The following KCTD9 variants were observed in gnomAD, a reference collection of about 807,000 sequenced individuals.
The protein encoded by KCTD9 is potassium channel tetramerization domain containing 9.
In KCTD9, 17 loss-of-function variants were observed where a neutral mutation model predicts 53.3. That is an observed-to-expected ratio of 0.32 (90% CI 0.22 to 0.48). The LOEUF (loss-of-function observed/expected upper bound fraction) is 0.48. Among genes scored for constraint, KCTD9 ranks in the 20% least tolerant of loss-of-function variants. KCTD9 has a pLI of 0.99. For missense variants in KCTD9, 179 were observed against 465.5 expected, an observed-to-expected ratio of 0.38 and a Z score of 5.66; for synonymous variants, 128 against 162.7, an observed-to-expected ratio of 0.79 and a Z score of 1.62.
At chr8:25,453,078 A>T (rs1191367835) in intron 1 of KCTD9, among the ~76,000 whole-genome samples, 2 of 152,214 alleles carry the variant, frequency 1.3e-5, no homozygotes, top group African/African-American at 4.8e-5. Context: ...AATGTAACTT[A>T]GTGGCTAGGC....
At chr8:25,438,191 G>A (rs1802055241) in intron 6 of KCTD9, among the ~76,000 whole-genome samples, 1 of 152,120 alleles carries the variant, frequency 6.6e-6, no homozygotes, top group Non-Finnish European at 1.5e-5. Flanking sequence ...TTCTAGGCAA[G>A]TGGGATACAA....
At position 25,436,400 on chromosome 8, in the gene KCTD9, A is replaced by C; in HGVS notation, c.567+18T>G. ...GCTACAATGAATGTAACACTGGCTAATGTAAAAACAGGCTTACCTTTATTG... is the reference window on the plus strand; with the variant it reads ...GCTACAATGAATGTAACACTGGCTACTGTAAAAACAGGCTTACCTTTATTG... On this transcript the variant is annotated intron_variant, in intron 7 of 11. Transcript: ENST00000221200. 2 of 1,606,118 alleles carry C rather than the reference A, an allele frequency of 1.2e-6. No individual in the cohort carries two copies. The highest frequency in any genetic ancestry group is 1.7e-6 in the Non-Finnish European group (2 of 1,173,912).
chr8:25,449,469 T>A (rs774774478), intron 1 of KCTD9, among the ~76,000 whole-genome samples: 1 of 152,202 alleles, frequency 6.6e-6, no homozygotes, highest in Non-Finnish European at 1.5e-5. Flanking sequence ...TGCTTAATAC[T>A]TAATGTAATA....
rs1010226236 is a variant in KCTD9 at position 25,458,423 on chromosome 8, G to T, written c.-177C>A. ...GCACTCTGTCCCACACCCAAGGTTCGGCCGGTCCTCCTTCCCACCCCGCCC... is the reference window on the plus strand; with the variant it reads ...GCACTCTGTCCCACACCCAAGGTTCTGCCGGTCCTCCTTCCCACCCCGCCC... On this transcript the variant is annotated 5_prime_UTR_variant, in exon 1 of 12. Coordinates refer to ENST00000221200, the MANE Select transcript of KCTD9 (RefSeq NM_017634.4). 8 of 709,740 alleles carry T rather than the reference G, an allele frequency of 1.1e-5. No homozygotes were observed. The highest frequency in any genetic ancestry group is 8.9e-5 in the African/African-American group (5 of 56,316). The allele number at this position is 709,740 out of a possible 1,614,324, so 44.0% of individuals were successfully genotyped here. A position where few individuals can be genotyped will look rare whatever the true frequency, so the allele number is the denominator to read the frequency against.
In KCTD9 at chr8:25,436,435, G is replaced by T; in HGVS notation, c.550C>A (p.Leu184Ile). 1 of 1,604,992 alleles carries T rather than the reference G, an allele frequency of 6.2e-7. No individual in the cohort carries two copies. Among genetic ancestry groups the T allele is most frequent in the Non-Finnish European group, 8.5e-7 (1 of 1,177,880 alleles). ...AGGCTTACCTTTATTGCCACTTCTA[G>T]GTGTTCAATCAATGAGTCAATACCA... ...FFGIDSLIEH[L>I]EVAIKNSQPP... is the part of the protein sequence containing the mutation. Residue 184 changes from leucine (L) to isoleucine (I), a missense_variant, in exon 7 of 12, where the codon CTA becomes ATA. Physicochemically the swap from Leu to Ile is conservative, Grantham distance 5 (BLOSUM62 2). Transcript: ENST00000221200.
At chr8:25,450,136 GC>G in intron 1 of KCTD9, among the ~76,000 whole-genome samples, 1 of 152,270 alleles carries the variant, frequency 6.6e-6, no homozygotes, top group South Asian at 2.1e-4. Flanking sequence ...AACTTTTATT[GC>G]CACTTAAATC....
At chr8:25,444,265 A>G in intron 3 of KCTD9, 27 bp downstream of exon 3, 17 of 1,287,820 alleles carry the variant, frequency 1.3e-5, no homozygotes, top group Non-Finnish European at 1.8e-5. Context: ...TTTTTGGCAG[A>G]TAAAATTGGC....
intron 1 of KCTD9, among the ~76,000 whole-genome samples, chr8:25,457,914 G>A (rs1802496031): frequency 7.3e-6 from 1 of 137,288 alleles, no homozygotes; most frequent in Non-Finnish European, 1.6e-5. Context: ...CCGCGCCCCC[G>A]TCCCCGCGCC....
chr8:25,439,986 T>C (rs1360602790), intron 4 of KCTD9, among the ~76,000 whole-genome samples: 3 of 152,158 alleles, frequency 2.0e-5, no homozygotes, highest in Admixed American at 6.6e-5. Context: ...AAAGCAGTTG[T>C]AGTCTCCACA....
intron 3 of KCTD9, among the ~76,000 whole-genome samples, chr8:25,442,738 A>G (rs1802145932): frequency 6.6e-6 from 1 of 152,232 alleles, no homozygotes. Context: ...ATGTTCCGAC[A>G]ATTCAGAAAC....
At chr8:25,443,286 A>G (rs1462508754) in intron 3 of KCTD9, among the ~76,000 whole-genome samples, 4 of 152,154 alleles carry the variant, frequency 2.6e-5, no homozygotes, top group Non-Finnish European at 5.9e-5. Context: ...CAGGTCTGAG[A>G]CAGGAAAAGG....
intron 2 of KCTD9, among the ~76,000 whole-genome samples, chr8:25,444,735 T>C (rs1437366349): frequency 1.3e-5 from 2 of 152,132 alleles, no homozygotes; most frequent in African/African-American, 4.8e-5. Context: ...TGAAATAAAC[T>C]GTCATATTAA....
intron 1 of KCTD9, among the ~76,000 whole-genome samples, chr8:25,457,017 A>G (rs979844045): frequency 2.0e-5 from 3 of 152,234 alleles, no homozygotes; most frequent in African/African-American, 4.8e-5. Context: ...CTTCGTGAAC[A>G]TATTTTCGGG....
rs751168687 is a variant in KCTD9, at chr8:25,458,193, C to G, written c.48+6G>C. 10 of 1,606,130 alleles carry G rather than the reference C, an allele frequency of 6.2e-6. 1 individual carries two copies. In the South Asian group the frequency reaches 8.8e-5, roughly 14 times the overall value. ...GGCCCGCCGCGCCCCCTCACGCCCC[C>G]GTTACCTTTCCGTTCTTGGGGCTGC... On this transcript the variant is annotated splice_donor_region_variant and intron_variant, in intron 1 of 11. Transcript: ENST00000221200.
intron 8 of KCTD9, among the ~76,000 whole-genome samples, chr8:25,435,784 G>T (rs767884128): frequency 6.6e-6 from 1 of 152,110 alleles, no homozygotes; most frequent in East Asian, 1.9e-4. Flanking sequence ...AGGGATCCCT[G>T]TTAGTCCTAT....
At chr8:25,436,547 A>C in intron 6 of KCTD9, 62 bp from the exon 7 acceptor site, 1 of 953,392 alleles carries the variant, frequency 1.0e-6, no homozygotes, top group Non-Finnish European at 1.6e-6. Flanking sequence ...ATTCATTTTG[A>C]ATTTACTAAA....
intron 1 of KCTD9, chr8:25,457,521 T>C: frequency 4.6e-6 from 1 of 215,308 alleles, no homozygotes. Flanking sequence ...GACTGTCAAA[T>C]CGATCCCTTT....
intron 1 of KCTD9, among the ~76,000 whole-genome samples, chr8:25,456,185 G>A (rs1177304044): frequency 1.3e-5 from 2 of 152,112 alleles, no homozygotes; most frequent in East Asian, 1.9e-4. Context: ...AAACTTACTT[G>A]AAAAAACAGA....
chr8:25,448,018 C>G (rs1249997722), intron 1 of KCTD9, among the ~76,000 whole-genome samples: 1 of 151,972 alleles, frequency 6.6e-6, no homozygotes, highest in Non-Finnish European at 1.5e-5. Context: ...GTCTTAGCTG[C>G]TTGGGAGGCC....
Sources: allele counts gnomAD v4.1 joint callset (sites outside exome capture counted in the v4.1 genomes callset), GRCh38; gene constraint gnomAD v4.1.1; transcripts MANE v1.5; gene names NCBI Gene and HGNC (gene_info 2026-07-23, HGNC 2026-07-21).